Variants in KCNMA1 observed in about 807,000 individuals in gnomAD.
KCNMA1 encodes Calcium-activated potassium channel subunit alpha-1.
KCNMA1 carries 29 observed loss-of-function variants against 140.0 expected under a neutral mutation model. The observed-to-expected ratio is 0.21, with a 90% CI of 0.15 to 0.28. KCNMA1 has a LOEUF of 0.28. Among genes scored for constraint, KCNMA1 ranks in the 10% least tolerant of loss-of-function variants. KCNMA1 has a pLI of 1.00. For missense variants in KCNMA1, 880 were observed against 1,602.2 expected (o/e 0.55, Z 7.70); for synonymous variants, 612 against 611.9 (o/e 1.00, Z 0.00).
In KCNMA1 at chr10:77,637,790, T is replaced by G; in HGVS notation, c.-148A>C. ...CGCGGGAGGGGGGCGGGGAGGCGCCTGGGCTCGGGGCGCTGTGCGCGACCT... is the reference window on the plus strand; with the variant it reads ...CGCGGGAGGGGGGCGGGGAGGCGCCGGGGCTCGGGGCGCTGTGCGCGACCT... On this transcript the variant is annotated 5_prime_UTR_variant, in exon 1 of 28. Coordinates refer to ENST00000286628, the MANE Select transcript of KCNMA1 (RefSeq NM_001161352.2). 1 of 1,262,054 alleles carries G rather than the reference T, an allele frequency of 7.9e-7. No homozygotes were observed. The highest frequency in any genetic ancestry group is 3.0e-5 in the South Asian group (1 of 33,596). 78.2% of individuals were successfully genotyped at this position (1,262,054 alleles called of 1,614,324 possible).
At chr10:76,899,227 T>C (rs1397531578) in intron 25 of KCNMA1, among the ~76,000 whole-genome samples, 2 of 152,138 alleles carry the variant, frequency 1.3e-5, no homozygotes, top group Non-Finnish European at 2.9e-5. Context: ...AAATTGTTGT[T>C]TGACATATGT....
chr10:77,238,939 T>C (rs1188163737), intron 3 of KCNMA1, among the ~76,000 whole-genome samples: 1 of 152,220 alleles, frequency 6.6e-6, no homozygotes, highest in African/African-American at 2.4e-5. Context: ...TTGCCTTCTA[T>C]AATTTTACTT....
At chr10:77,475,836 A>G (rs1289253802) in intron 1 of KCNMA1, among the ~76,000 whole-genome samples, 2 of 152,154 alleles carry the variant, frequency 1.3e-5, no homozygotes, top group African/African-American at 4.8e-5. Context: ...CTTTGGATTT[A>G]TGCCAAGGAA....
At chr10:77,034,294 T>A (rs923969672) in intron 15 of KCNMA1, among the ~76,000 whole-genome samples, 2 of 151,618 alleles carry the variant, frequency 1.3e-5, no homozygotes, top group African/African-American at 2.4e-5. Flanking sequence ...ATAAATTCAC[T>A]TAAAATGCTC....
At chr10:77,493,782 C>T (rs2040809652) in intron 1 of KCNMA1, 1 of 152,110 alleles carries the variant, frequency 6.6e-6, no homozygotes, top group South Asian at 2.1e-4. Context: ...ATTGAGGGGA[C>T]CTGTTAAATG....
intron 19 of KCNMA1, chr10:76,970,503 G>A: frequency 4.4e-6 from 1 of 228,656 alleles, no homozygotes; most frequent in East Asian, 1.1e-4. Context: ...CTGCCAGCCT[G>A]CTGCTTCTCC....
At position 76,887,390 on chromosome 10, in the gene KCNMA1, G is replaced by A. The variant is rs754602276; in HGVS notation, c.3587C>T (p.Ser1196Leu). 5.0e-6 allele frequency: 8 copies of A among 1,614,132 alleles called. No homozygotes were observed. The South Asian group carries it at 5.5e-5, about 11-fold the overall frequency. Residue 1196 changes from serine (S) to leucine (L), a missense_variant, in exon 28 of 28, where the codon TCG (serine) becomes TTG (leucine). Physicochemically the swap from Ser to Leu is moderately radical, Grantham distance 145. Transcript: ENST00000286628. ...RASLSHSSHS[S>L]QSSSKKSSSV... ...GGAGCTCTTCTTGCTGGAGGACTGC[G>A]ACGAGTGGGAGGAATGGGACAGGCT...
At position 77,391,002 on chromosome 10, in the gene KCNMA1, T is replaced by G. The variant is rs901478687; in HGVS notation, c.540+12860A>C. Among the ~76,000 whole-genome samples, 3 of 152,004 alleles carry G rather than the reference T, an allele frequency of 2.0e-5. No homozygotes were observed. In the East Asian group the frequency reaches 5.8e-4, roughly 29 times the overall value. ...CCATTTCACCAAAAGCCACAAAACA[T>G]GTGGGGAGGGAGGATTAAAAAGAAA... is the stretch of plus-strand genomic sequence containing the variant. On this transcript the variant is annotated intron_variant, in intron 2 of 27. Transcript: ENST00000286628.
At chr10:77,404,098 C>T in intron 1 of KCNMA1, 75 bp from the exon 2 acceptor site, 1 of 1,516,080 alleles carries the variant, frequency 6.6e-7, no homozygotes. Context: ...CATAAAGAAC[C>T]AGAGCCAGAA....
chr10:77,498,210 C>T (rs1394812754), intron 1 of KCNMA1, among the ~76,000 whole-genome samples: 1 of 152,218 alleles, frequency 6.6e-6, no homozygotes, highest in Non-Finnish European at 1.5e-5. Flanking sequence ...AAGAACCTCA[C>T]ATCAGAGCTG....
chr10:77,458,014 C>G (rs773523560), intron 1 of KCNMA1, among the ~76,000 whole-genome samples: 8 of 152,204 alleles, frequency 5.3e-5, no homozygotes, highest in South Asian at 2.1e-4. Flanking sequence ...AAACGGCAGC[C>G]CGAGTGAATA....
chr10:77,220,065 A>G (rs999533325), intron 3 of KCNMA1, among the ~76,000 whole-genome samples: 5 of 152,226 alleles, frequency 3.3e-5, no homozygotes, highest in African/African-American at 1.2e-4. Context: ...CCCACTACAC[A>G]TACCAGGCAC....
chr10:76,917,783 T>G (rs1190298664), intron 23 of KCNMA1, among the ~76,000 whole-genome samples: 2 of 152,224 alleles, frequency 1.3e-5, no homozygotes, highest in African/African-American at 4.8e-5. Context: ...GTTGGCTTCT[T>G]CTTTTTCCCT....
intron 2 of KCNMA1, among the ~76,000 whole-genome samples, chr10:77,375,458 C>T (rs1205833287): frequency 6.6e-6 from 1 of 152,168 alleles, no homozygotes; most frequent in African/African-American, 2.4e-5. Context: ...AGGGAATTCA[C>T]GCGGCTGTTA....
At chr10:76,949,437 T>C in intron 21 of KCNMA1, 71 bp from the exon 22 acceptor site, 1 of 1,256,886 alleles carries the variant, frequency 8.0e-7, no homozygotes, top group Non-Finnish European at 1.1e-6. Context: ...GTGAAATAAA[T>C]CATTTGTGCA....
chr10:77,516,587 A>T (rs1207327517), intron 1 of KCNMA1, among the ~76,000 whole-genome samples: 2 of 152,240 alleles, frequency 1.3e-5, no homozygotes, highest in African/African-American at 2.4e-5. Context: ...AGAAAGTAAG[A>T]TACGTTCCAA....
chr10:76,913,482 A>C (rs2051250722), intron 24 of KCNMA1: 1 of 152,728 alleles, frequency 6.5e-6, no homozygotes, highest in East Asian at 1.9e-4. Flanking sequence ...TTAGTAAAAA[A>C]AGTTCTCCTA....
chr10:77,149,141 A>G (rs1388862453), intron 5 of KCNMA1, among the ~76,000 whole-genome samples: 2 of 152,178 alleles, frequency 1.3e-5, no homozygotes, highest in African/African-American at 2.4e-5. Flanking sequence ...GCACTTGCTT[A>G]AAGTGTTTTC....
intron 2 of KCNMA1, among the ~76,000 whole-genome samples, chr10:77,336,670 C>T (rs978670428): frequency 1.3e-5 from 2 of 152,126 alleles, no homozygotes; most frequent in Non-Finnish European, 2.9e-5. Flanking sequence ...TTAAGCTCCA[C>T]CAATTTGATA....
Sources: gnomAD v4.1 joint callset for allele counts (sites outside exome capture counted in the v4.1 genomes callset) on GRCh38, gnomAD v4.1.1 for gene constraint, MANE v1.5 for transcripts, NCBI Gene and HGNC (gene_info 2026-07-23, HGNC 2026-07-21) for gene names.